The following PAFAH2 variants were observed in gnomAD, a reference collection of about 807,000 sequenced individuals.
PAFAH2 encodes the protein platelet-activating factor acetylhydrolase 2, cytoplasmic.
Under a neutral mutation model 49.0 loss-of-function variants are expected in PAFAH2, and 42 were observed. The ratio of observed to expected loss-of-function variants is 0.86; its 90% CI spans 0.67 to 1.11. The LOEUF is 1.11. PAFAH2 is among the 50% of genes least tolerant of loss of function. The pLI is 0.00. For synonymous variants in PAFAH2, 184 were observed against 181.3 expected (o/e 1.01, Z -0.12); for missense variants, 503 against 501.8 (o/e 1.00, Z -0.02).
In PAFAH2 at chr1:25,984,271, AT is replaced by A. The variant is rs2049744139; in HGVS notation, c.411-185del. On this transcript the variant is annotated intron_variant, in intron 5 of 10. Transcript: ENST00000374282. ...ATTTTAGAGACAGACCTGGGTTTGA[AT>A]TCCAACTCAGCTATGTCACTTTTGG... Among the ~76,000 whole-genome samples the A allele has an allele frequency of 3.9e-5, 6 of 152,326 alleles. No individual in the cohort carries two copies. In the South Asian group the frequency reaches 1.2e-3, roughly 32 times the overall value.
At chr1:25,984,583 A>C in intron 4 of PAFAH2, 55 bp from the exon 5 acceptor site, 1 of 1,390,720 alleles carries the variant, frequency 7.2e-7, no homozygotes. Context: ...CCCAGCCTTC[A>C]CCCTCATTCC....
At chr1:25,994,142 CTT>C (rs35480896) in intron 1 of PAFAH2, among the ~76,000 whole-genome samples, 40 of 135,218 alleles carry the variant, frequency 3.0e-4, no homozygotes, top group African/African-American at 6.5e-4. Context: ...TGGTGCCTAG[CTT>C]TTTTTTTTTT....
At chr1:25,991,043 T>C in intron 1 of PAFAH2, 180 bp from the exon 2 acceptor site, 2 of 490,516 alleles carry the variant, frequency 4.1e-6, no homozygotes, top group Non-Finnish European at 7.4e-6. Context: ...TGGGGGTTGT[T>C]TTTTATTTTG....
intron 3 of PAFAH2, among the ~76,000 whole-genome samples, chr1:25,988,806 CAAAAAAAAAAAAAA>C (rs59169423): frequency 1.5e-4 from 8 of 54,348 alleles, no homozygotes; most frequent in Admixed American, 2.8e-4. Context: ...TCCATCTCAC[CAAAAAAAAAAAAAA>C]AAAAAAAAAA....
At chr1:25,994,408 T>A (rs10794520) in intron 1 of PAFAH2, among the ~76,000 whole-genome samples, 81,900 of 152,030 alleles carry the variant, frequency 0.54, 25,091 homozygotes, top group East Asian at 0.7. Context: ...TTGGGATTAC[T>A]GGAGTGAGCC....
intron 1 of PAFAH2, among the ~76,000 whole-genome samples, chr1:25,993,468 C>T (rs116360493): frequency 2.0e-5 from 3 of 152,136 alleles, no homozygotes; most frequent in Non-Finnish European, 4.4e-5. Context: ...ACAAGCAGAA[C>T]GATGATAACA....
At chr1:25,971,691 C>G (rs904468382) in intron 10 of PAFAH2, among the ~76,000 whole-genome samples, 10 of 152,122 alleles carry the variant, frequency 6.6e-5, no homozygotes, top group African/African-American at 2.4e-4. Flanking sequence ...ACAAACTCCC[C>G]TTTTTTTCTC....
intron 1 of PAFAH2, 49 bp downstream of exon 1, chr1:25,997,976 C>A (rs1046268642): frequency 6.6e-6 from 1 of 152,240 alleles, no homozygotes; most frequent in Non-Finnish European, 1.5e-5. Flanking sequence ...ATACAAAAGT[C>A]TGCAGGAAGC....
At chr1:25,982,113 C>G (rs2049698450) in intron 7 of PAFAH2, among the ~76,000 whole-genome samples, 1 of 151,728 alleles carries the variant, frequency 6.6e-6, no homozygotes, top group Admixed American at 6.6e-5. Context: ...AGGAGAGAGT[C>G]TGGTGAGAAA....
chr1:25,972,523 C>A (rs1292996898), intron 10 of PAFAH2, 35 bp downstream of exon 10: 3 of 1,601,362 alleles, frequency 1.9e-6, no homozygotes, highest in Non-Finnish European at 2.6e-6. Flanking sequence ...TAAGGGACCC[C>A]ACAGCTGCCC....
intron 4 of PAFAH2, among the ~76,000 whole-genome samples, chr1:25,987,844 C>T (rs2049806475): frequency 6.6e-6 from 1 of 151,994 alleles, no homozygotes; most frequent in Non-Finnish European, 1.5e-5. Flanking sequence ...CACCACTGCA[C>T]TCCAGCCTGG....
At chr1:25,988,451 G>C (rs1422180678) in intron 3 of PAFAH2, 124 bp from the exon 4 acceptor site, 17 of 690,010 alleles carry the variant, frequency 2.5e-5, no homozygotes, top group Non-Finnish European at 4.4e-5. Flanking sequence ...ATCGGCCCCT[G>C]AGCAGCTCAG....
chr1:25,968,193 A>G (rs540063286), intron 10 of PAFAH2, among the ~76,000 whole-genome samples: 1 of 151,568 alleles, frequency 6.6e-6, no homozygotes, highest in South Asian at 2.1e-4. Context: ...AATAAATAAA[A>G]TAAAGAGGGA....
chr1:25,994,402 G>A (rs144906816), intron 1 of PAFAH2, among the ~76,000 whole-genome samples: 100 of 152,212 alleles, frequency 6.6e-4, no homozygotes, highest in African/African-American at 2.3e-3. Context: ...AGGTGCTTGG[G>A]ATTACTGGAG....
At chr1:25,991,895 A>AAAAC (rs772811813) in intron 1 of PAFAH2, among the ~76,000 whole-genome samples, 2 of 152,032 alleles carry the variant, frequency 1.3e-5, no homozygotes, top group African/African-American at 2.4e-5. Flanking sequence ...CCTGTCTCAA[A>AAAAC]AAACAAACAA....
chr1:25,971,232 C>A (rs918152164), intron 10 of PAFAH2, among the ~76,000 whole-genome samples: 1 of 152,144 alleles, frequency 6.6e-6, no homozygotes, highest in Non-Finnish European at 1.5e-5. Flanking sequence ...GCACACAGCA[C>A]CTGCTGAGGG....
At chr1:25,995,707 A>G (rs945090891) in intron 1 of PAFAH2, among the ~76,000 whole-genome samples, 1 of 152,218 alleles carries the variant, frequency 6.6e-6, no homozygotes, top group Non-Finnish European at 1.5e-5. Context: ...GCTGGTCTCA[A>G]TAATTAATTT....
At chr1:25,973,106 T>C (rs1004160946) in intron 9 of PAFAH2, among the ~76,000 whole-genome samples, 1 of 152,168 alleles carries the variant, frequency 6.6e-6, no homozygotes, top group Non-Finnish European at 1.5e-5. Context: ...GCCTGGTGAA[T>C]TTCAAACATT....
intron 1 of PAFAH2, among the ~76,000 whole-genome samples, chr1:25,991,712 G>A (rs1376696807): frequency 6.8e-6 from 1 of 146,614 alleles, no homozygotes; most frequent in African/African-American, 2.5e-5. Flanking sequence ...GGCCAACATG[G>A]CGAAACCCCG....
Sources: allele counts gnomAD v4.1 joint callset (sites outside exome capture counted in the v4.1 genomes callset), GRCh38; gene constraint gnomAD v4.1.1; transcripts MANE v1.5; gene names NCBI Gene and HGNC (gene_info 2026-07-23, HGNC 2026-07-21).